Variants in BCAS3 observed in about 807,000 individuals in gnomAD.
The protein encoded by BCAS3 is BCAS3 microtubule associated cell migration factor.
BCAS3 carries 53 observed loss-of-function variants against 116.1 expected under a neutral mutation model. The ratio of observed to expected loss-of-function variants is 0.46; its 90% CI spans 0.37 to 0.57. The LOEUF (loss-of-function observed/expected upper bound fraction) is 0.57. BCAS3 is among the 20% of genes least tolerant of loss of function. BCAS3 has a pLI of 0.00. For missense variants in BCAS3, 917 were observed against 1,165.4 expected, an observed-to-expected ratio of 0.79 and a Z score of 3.10; for synonymous variants, 391 against 408.2, an observed-to-expected ratio of 0.96 and a Z score of 0.51.
intron 13 of BCAS3, among the ~76,000 whole-genome samples, chr17:60,931,748 A>G (rs1482239858): frequency 6.6e-6 from 1 of 152,104 alleles, no homozygotes; most frequent in Non-Finnish European, 1.5e-5. Flanking sequence ...CAGTTTCCTC[A>G]TCAATAAAAT....
chr17:60,829,971 TG>T (rs1388708579), intron 7 of BCAS3, among the ~76,000 whole-genome samples: 1 of 152,146 alleles, frequency 6.6e-6, no homozygotes, highest in Admixed American at 6.6e-5. Context: ...ATTCAAATGT[TG>T]AGCACTTTTT....
rs1242088184 is a variant in BCAS3, at chr17:61,180,566, G to A, written c.2425+96002G>A. On this transcript the variant is annotated intron_variant, in intron 22 of 23. Coordinates refer to ENST00000407086, the MANE Select transcript of BCAS3 (RefSeq NM_017679.5). The surrounding 1 kb of genome is among the most constrained non-coding windows in gnomAD (Gnocchi z 6.0). ...GACCGTCAGGTCACCTGAAGGACAGGTTCCCTACAAATATGAGGAAACAAC... is the reference window on the plus strand; with the variant it reads ...GACCGTCAGGTCACCTGAAGGACAGATTCCCTACAAATATGAGGAAACAAC... Among the ~76,000 whole-genome samples, 1 of 152,224 alleles carries A rather than the reference G, an allele frequency of 6.6e-6. No homozygotes were observed. The highest frequency in any genetic ancestry group is 1.5e-5 in the Non-Finnish European group (1 of 68,040).
rs1276236338 is a variant in BCAS3 at position 61,222,079 on chromosome 17, CTG to C, written c.2425+137521_2425+137522del. Among the ~76,000 whole-genome samples, 3 of 152,146 alleles carry C rather than the reference CTG, an allele frequency of 2.0e-5. No homozygotes were observed. The highest frequency in any genetic ancestry group is 7.2e-5 in the African/African-American group (3 of 41,414). On this transcript the variant is annotated intron_variant, in intron 22 of 23. Transcript: ENST00000407086. This position sits in a 1 kb window ranked among gnomAD's most constrained non-coding sequence, Gnocchi z 6.1. ...CTCACTAAGTGTACATATGATCCCT[CTG>C]TGTGTTCAAAGTGCATAATTTTAGG...
intron 7 of BCAS3, among the ~76,000 whole-genome samples, chr17:60,827,714 A>T (rs1227936386): frequency 1.4e-4 from 21 of 151,184 alleles, no homozygotes; most frequent in African/African-American, 4.9e-4. Flanking sequence ...TAGTTTTCTC[A>T]TGTTTCTTTG....
intron 15 of BCAS3, among the ~76,000 whole-genome samples, chr17:61,015,089 C>G (rs1184877188): frequency 6.6e-6 from 1 of 152,056 alleles, no homozygotes; most frequent in African/African-American, 2.4e-5. Flanking sequence ...TAAATGTAAT[C>G]CCTATCAAAA....
At chr17:61,079,098 G>A (rs2072304641) in intron 21 of BCAS3, among the ~76,000 whole-genome samples, 1 of 151,604 alleles carries the variant, frequency 6.6e-6, no homozygotes, top group African/African-American at 2.4e-5. Context: ...AACTCAGACA[G>A]TTTTGACTTG....
intron 18 of BCAS3, 23 bp downstream of exon 18, chr17:61,038,077 C>A: frequency 6.3e-7 from 1 of 1,597,408 alleles, no homozygotes; most frequent in Non-Finnish European, 8.5e-7. Flanking sequence ...TTCTTTTTTT[C>A]TTTTTAACAG....
At position 61,032,081 on chromosome 17, in the gene BCAS3, C is replaced by T. The variant is rs887767732; in HGVS notation, c.1638-2585C>T. 6.6e-6 allele frequency among the ~76,000 whole-genome samples: 1 copy of T among 152,112 alleles called. No individual in the cohort carries two copies. Among genetic ancestry groups the T allele is most frequent in the Non-Finnish European group, 1.5e-5 (1 of 67,980 alleles). ...TGTCAAAAAACTAAATTGACGTCCT[C>T]TCATTTTTCTACTTTTTATTATCAT... On this transcript the variant is annotated intron_variant, in intron 16 of 23. Coordinates refer to ENST00000407086, the MANE Select transcript of BCAS3 (RefSeq NM_017679.5). The surrounding 1 kb of genome is among the most constrained non-coding windows in gnomAD (Gnocchi z 4.6).
intron 5 of BCAS3, among the ~76,000 whole-genome samples, chr17:60,712,065 T>C (rs970531429): frequency 6.6e-6 from 1 of 152,170 alleles, no homozygotes; most frequent in African/African-American, 2.4e-5. Flanking sequence ...CTCTGGAGGC[T>C]GAGGCAGGAG....
intron 1 of BCAS3, among the ~76,000 whole-genome samples, chr17:60,679,117 C>T (rs997241787): frequency 6.6e-6 from 1 of 152,130 alleles, no homozygotes; most frequent in Non-Finnish European, 1.5e-5. Context: ...CCCAGCTACT[C>T]AGGAGGCTGA....
At chr17:61,085,848 T>G (rs889647117) in intron 22 of BCAS3, among the ~76,000 whole-genome samples, 2 of 152,226 alleles carry the variant, frequency 1.3e-5, no homozygotes, top group African/African-American at 2.4e-5. Context: ...TCGTTTGGAA[T>G]GATCGTTTAC....
At chr17:60,771,481 A>T (rs1198358457) in intron 6 of BCAS3, among the ~76,000 whole-genome samples, 1 of 152,242 alleles carries the variant, frequency 6.6e-6, no homozygotes, top group African/African-American at 2.4e-5. Flanking sequence ...CTTTTAAAAG[A>T]AACGTTGGTT....
At chr17:61,121,735 A>ATG (rs1051328643) in intron 22 of BCAS3, among the ~76,000 whole-genome samples, 6 of 151,938 alleles carry the variant, frequency 3.9e-5, no homozygotes, top group Admixed American at 2.6e-4. Context: ...TCTATTTTAT[A>ATG]TGTGTGTGTG....
rs1051530971 is a variant in BCAS3, at chr17:61,082,992, C to T, written c.2328-1475C>T. Among the ~76,000 whole-genome samples the T allele has an allele frequency of 6.6e-6, 1 of 152,176 alleles. No homozygotes were observed. Among genetic ancestry groups the T allele is most frequent in the African/African-American group, 2.4e-5 (1 of 41,440 alleles). On this transcript the variant is annotated intron_variant, in intron 21 of 23. Transcript: ENST00000407086. The surrounding 1 kb of genome is among the most constrained non-coding windows in gnomAD (Gnocchi z 5.1). ...CTGTCATCTGTCCCATGTTTCTTAT[C>T]AACTTTTTATCTTCCATCAATAGCC... is the stretch of plus-strand genomic sequence containing the variant.
intron 23 of BCAS3, among the ~76,000 whole-genome samples, chr17:61,372,466 T>TCCAAAA (rs2059100464): frequency 1.3e-5 from 2 of 152,260 alleles, no homozygotes; most frequent in African/African-American, 2.4e-5. Context: ...AAGTTGGCTT[T>TCCAAAA]GTCTCCTGAT....
At chr17:60,857,607 G>C (rs921479759) in intron 7 of BCAS3, among the ~76,000 whole-genome samples, 33 of 152,264 alleles carry the variant, frequency 2.2e-4, no homozygotes, top group African/African-American at 7.7e-4. Flanking sequence ...TTTATGGAAA[G>C]CACTCTCATC....
intron 9 of BCAS3, among the ~76,000 whole-genome samples, chr17:60,879,585 G>A (rs1403570713): frequency 2.6e-5 from 4 of 152,160 alleles, no homozygotes; most frequent in Admixed American, 2.0e-4. Context: ...GACAAAGACC[G>A]ATAGATGTCA....
Position 61,244,424 on chromosome 17 carries a change from AAGAC to A in BCAS3, c.2426-123900_2426-123897del, listed in dbSNP as rs1295258574. Among the ~76,000 whole-genome samples the A allele has an allele frequency of 2.6e-5, 4 of 152,224 alleles. No homozygotes were observed. Among genetic ancestry groups the A allele is most frequent in the Non-Finnish European group, 4.4e-5 (3 of 68,038 alleles). On this transcript the variant is annotated intron_variant, in intron 22 of 23. Transcript: ENST00000407086. The surrounding 1 kb of genome is among the most constrained non-coding windows in gnomAD (Gnocchi z 4.9). ...CACTATATTGTGAATATCATGAACA[AAGAC>A]AGTTTGGAAACAGGGTGACTAGAAG...
At position 61,097,831 on chromosome 17, in the gene BCAS3, A is replaced by T. The variant is rs1222593854; in HGVS notation, c.2425+13267A>T. On this transcript the variant is annotated intron_variant, in intron 22 of 23. Transcript: ENST00000407086. The surrounding 1 kb of genome is among the most constrained non-coding windows in gnomAD (Gnocchi z 4.0). ...AAATTACTTAAAGTGCATTATGGTGACACCTCAGATAAGTCTAAACCTCTT... is the reference window on the plus strand; with the variant it reads ...AAATTACTTAAAGTGCATTATGGTGTCACCTCAGATAAGTCTAAACCTCTT... Among the ~76,000 whole-genome samples the T allele has an allele frequency of 6.6e-6, 1 of 152,224 alleles. No individual in the cohort carries two copies. Among genetic ancestry groups the T allele is most frequent in the African/African-American group, 2.4e-5 (1 of 41,464 alleles).
Sources: allele counts gnomAD v4.1 joint callset (sites outside exome capture counted in the v4.1 genomes callset), GRCh38; gene constraint gnomAD v4.1.1; non-coding constraint Gnocchi (gnomAD v3.1); transcripts MANE v1.5; gene names NCBI Gene and HGNC (gene_info 2026-07-23, HGNC 2026-07-21).